Variants in TBC1D24 observed in about 807,000 individuals in gnomAD.
The protein encoded by TBC1D24 is Infantile myoclonic epilepsy.
In TBC1D24, 47 loss-of-function variants were observed where a neutral mutation model predicts 50.7. That is an observed-to-expected ratio of 0.93 (90% CI 0.73 to 1.18). The LOEUF (loss-of-function observed/expected upper bound fraction) is 1.18, where lower values mean the gene tolerates loss of function less well. Ranked by LOEUF, TBC1D24 falls within the 50% of genes most tolerant of loss-of-function variation. TBC1D24 has a pLI of 0.00. For missense variants in TBC1D24, 688 were observed against 766.5 expected, an observed-to-expected ratio of 0.90 and a Z score of 1.21; for synonymous variants, 324 against 335.2, an observed-to-expected ratio of 0.97 and a Z score of 0.36.
chr16:2,488,732 T>C (rs888329395), intron 1 of TBC1D24, among the ~76,000 whole-genome samples: 1 of 148,914 alleles, frequency 6.7e-6, no homozygotes, highest in African/African-American at 2.5e-5. Context: ...ATTACAGGTG[T>C]GAGCCACCGC....
chr16:2,500,117 T>A lies in TBC1D24; in HGVS notation c.1303-151T>A. 2 of 941,646 alleles carry A rather than the reference T, an allele frequency of 2.1e-6. No homozygotes were observed. Among genetic ancestry groups the A allele is most frequent in the East Asian group, 2.6e-5 (1 of 37,916 alleles). The allele number at this position is 941,646 out of a possible 1,614,324, so 58.3% of individuals were successfully genotyped here. A position where few individuals can be genotyped will look rare whatever the true frequency, so the allele number is the denominator to read the frequency against. On this transcript the variant is annotated intron_variant, in intron 6 of 7. Transcript: ENST00000646147. The surrounding 1 kb of genome is among the most constrained non-coding windows in gnomAD (Gnocchi z 8.0). Reference sequence around the variant, plus strand: ...CTGCTCCGGGGCAGGGGGCTTCATCTGCTCGAGCCACCAGCTCCCCAGCCC... The same window carrying A: ...CTGCTCCGGGGCAGGGGGCTTCATCAGCTCGAGCCACCAGCTCCCCAGCCC...
chr16:2,497,030 C>T lies in TBC1D24; in HGVS notation c.882C>T (p.Leu294=). Reference sequence around the variant, plus strand: ...TGGAGAAAGCGTTCGCCATCCGCCTCTTCTCCCGCAAGGAGATCCAGCTCC... The same window carrying T: ...TGGAGAAAGCGTTCGCCATCCGCCTTTTCTCCCGCAAGGAGATCCAGCTCC... ...KLLEKAFAIR[L]FSRKEIQLLQ... The change falls in exon 2 of 8, where the codon CTC becomes CTT. Residue 294 remains leucine (L), a synonymous_variant. Coordinates refer to ENST00000646147, the MANE Select transcript of TBC1D24 (RefSeq NM_001199107.2). 1.2e-6 allele frequency: 2 copies of T among 1,613,692 alleles called. No individual in the cohort carries two copies. The highest frequency in any genetic ancestry group is 1.1e-5 in the South Asian group (1 of 91,092).
At position 2,486,014 on chromosome 16, in the gene TBC1D24, G is replaced by C. The variant is rs1851389497; in HGVS notation, c.-115-10020G>C. Among the ~76,000 whole-genome samples the C allele has an allele frequency of 1.3e-5, 2 of 152,196 alleles. No individual in the cohort carries two copies. Among genetic ancestry groups the C allele is most frequent in the African/African-American group, 4.8e-5 (2 of 41,448 alleles). ...TGGATCTTGCGGATCTCGCGCCCGG[G>C]CTGGAATGCCTGTGCTGCCCTCCCC... On this transcript the variant is annotated intron_variant, in intron 1 of 7. Coordinates refer to ENST00000646147, the MANE Select transcript of TBC1D24 (RefSeq NM_001199107.2). This position sits in a 1 kb window ranked among gnomAD's most constrained non-coding sequence, Gnocchi z 5.8.
At chr16:2,497,485 C>T (rs374726446) in intron 2 of TBC1D24, among the ~76,000 whole-genome samples, 3 of 152,182 alleles carry the variant, frequency 2.0e-5, no homozygotes, top group Admixed American at 6.5e-5. Context: ...GTGGCCTCCC[C>T]GCCTGGAGCA....
chr16:2,495,002 TCACA>T (rs527454795), intron 1 of TBC1D24, among the ~76,000 whole-genome samples: 236 of 138,016 alleles, frequency 1.7e-3, no homozygotes, highest in Non-Finnish European at 2.9e-3. Flanking sequence ...CAAGACCCCA[TCACA>T]CACACACACA....
chr16:2,481,596 G>A (rs2065610894), intron 1 of TBC1D24: 1 of 152,232 alleles, frequency 6.6e-6, no homozygotes, highest in Admixed American at 6.5e-5. Flanking sequence ...TGTGTCCTGG[G>A]GGTGTTTTTC....
chr16:2,495,313 A>G (rs561308757), intron 1 of TBC1D24, among the ~76,000 whole-genome samples: 1 of 152,054 alleles, frequency 6.6e-6, no homozygotes, highest in Non-Finnish European at 1.5e-5. Flanking sequence ...GTGCCATTGC[A>G]CTCTAGCCTG....
At position 2,499,621 on chromosome 16, in the gene TBC1D24, C is replaced by T. The variant is rs1468691600; in HGVS notation, c.1206+201C>T. Among the ~76,000 whole-genome samples, 1 of 152,146 alleles carries T rather than the reference C, an allele frequency of 6.6e-6. No homozygotes were observed. Among genetic ancestry groups the T allele is most frequent in the East Asian group, 1.9e-4 (1 of 5,184 alleles). ...GAAATGAGACTATCCCCAACACAGCCCCCGCCCACCCTCATTGCCAGCCCC... is the reference window on the plus strand; with the variant it reads ...GAAATGAGACTATCCCCAACACAGCTCCCGCCCACCCTCATTGCCAGCCCC... On this transcript the variant is annotated intron_variant, in intron 5 of 7. Coordinates refer to ENST00000646147, the MANE Select transcript of TBC1D24 (RefSeq NM_001199107.2). This position sits in a 1 kb window ranked among gnomAD's most constrained non-coding sequence, Gnocchi z 4.0.
intron 1 of TBC1D24, among the ~76,000 whole-genome samples, chr16:2,489,953 C>T (rs1039100776): frequency 1.7e-4 from 26 of 152,220 alleles, no homozygotes; most frequent in African/African-American, 6.0e-4. Context: ...TGGGTGTGTC[C>T]GTGCTGCCCT....
In TBC1D24 at chr16:2,487,492, A is replaced by C. The variant is rs1050734190; in HGVS notation, c.-115-8542A>C. On this transcript the variant is annotated intron_variant, in intron 1 of 7. Coordinates refer to ENST00000646147, the MANE Select transcript of TBC1D24 (RefSeq NM_001199107.2). The surrounding 1 kb of genome is among the most constrained non-coding windows in gnomAD (Gnocchi z 4.1). ...CTAAATGTGTGTTCTGTCTTTGTAC[A>C]TGAAAGAGAGTTTGTTTTCAAATCC... Among the ~76,000 whole-genome samples the C allele has an allele frequency of 6.6e-6, 1 of 152,258 alleles. No homozygotes were observed. The highest frequency in any genetic ancestry group is 6.5e-5 in the Admixed American group (1 of 15,292).
intron 1 of TBC1D24, among the ~76,000 whole-genome samples, chr16:2,492,206 G>C (rs1262632791): frequency 6.6e-6 from 1 of 152,036 alleles, no homozygotes; most frequent in Admixed American, 6.6e-5. Context: ...GAAATGTCGT[G>C]CGCTCTTTTT....
In TBC1D24 at chr16:2,496,757, G is replaced by A. The variant is rs1295153683; in HGVS notation, c.609G>A (p.Glu203=). Reference sequence around the variant, plus strand: ...ACAAGCTGATGGTGGCCGTGTCGGAGGATGTCCTGCAGGTCTATGCGGACT... The same window carrying A: ...ACAAGCTGATGGTGGCCGTGTCGGAAGATGTCCTGCAGGTCTATGCGGACT... ...AAHKLMVAVS[E]DVLQVYADWQ... is the part of the protein sequence containing the mutation. Residue 203 remains glutamate, a synonymous_variant, in exon 2 of 8, where the codon GAG becomes GAA. Coordinates refer to ENST00000646147, the MANE Select transcript of TBC1D24 (RefSeq NM_001199107.2). 6.2e-7 allele frequency: 1 copy of A among 1,613,994 alleles called. No individual in the cohort carries two copies. Among genetic ancestry groups the A allele is most frequent in the Non-Finnish European group, 8.5e-7 (1 of 1,180,050 alleles).
At chr16:2,488,628 T>C (rs1181573409) in intron 1 of TBC1D24, among the ~76,000 whole-genome samples, 2 of 150,380 alleles carry the variant, frequency 1.3e-5, no homozygotes, top group African/African-American at 4.9e-5. Flanking sequence ...TCTCCTGCCT[T>C]AGCCTCCTGA....
intron 1 of TBC1D24, among the ~76,000 whole-genome samples, chr16:2,492,105 G>A (rs987131661): frequency 6.6e-6 from 1 of 152,150 alleles, no homozygotes; most frequent in Admixed American, 6.6e-5. Context: ...CTCCCAAAGT[G>A]CTGGGATTAC....
chr16:2,482,616 G>A lies in TBC1D24; in HGVS notation c.-116+7446G>A, dbSNP rs564933691. ...CAGGAGAGGGTTTCGGGTGGAGAAC[G>A]GTGACCGGGTGAAGCCCTGAGTGGG... On this transcript the variant is annotated intron_variant, in intron 1 of 7. Coordinates refer to ENST00000646147, the MANE Select transcript of TBC1D24 (RefSeq NM_001199107.2). This position sits in a 1 kb window ranked among gnomAD's most constrained non-coding sequence, Gnocchi z 5.2. 8.5e-5 allele frequency among the ~76,000 whole-genome samples: 13 copies of A among 152,278 alleles called. No individual in the cohort carries two copies. In the South Asian group the frequency reaches 1.0e-3, roughly 12 times the overall value.
Position 2,501,276 on chromosome 16 carries a change from T to C in TBC1D24, c.*318T>C. On this transcript the variant is annotated 3_prime_UTR_variant, in exon 8 of 8. Coordinates refer to ENST00000646147, the MANE Select transcript of TBC1D24 (RefSeq NM_001199107.2). ...GCCCAAGGCCTTGGGAGTGTCTGGG[T>C]CTTGCTGCCCCTGAGCCTCTCTAGG... The C allele has an allele frequency of 7.0e-6, 3 of 426,590 alleles. No individual in the cohort carries two copies. The South Asian group carries it at 7.7e-5, about 11-fold the overall frequency. The allele number at this position is 426,590 out of a possible 1,614,324, so 26.4% of individuals were successfully genotyped here. A position where few individuals can be genotyped will look rare whatever the true frequency, so the allele number is the denominator to read the frequency against.
intron 1 of TBC1D24, chr16:2,479,994 A>T (rs564951587): frequency 1.3e-5 from 2 of 151,842 alleles, no homozygotes; most frequent in Non-Finnish European, 1.5e-5. Context: ...CACCATGCCC[A>T]GTTAATTTTG....
rs2065790488 is a variant in TBC1D24 at position 2,501,083 on chromosome 16, A to G, written c.*125A>G. ...CAGGGTTGGGGGACGGCAGGACCCCATGGCCAAGCCTGGCGTTGCCTGGAC... is the reference window on the plus strand; with the variant it reads ...CAGGGTTGGGGGACGGCAGGACCCCGTGGCCAAGCCTGGCGTTGCCTGGAC... On this transcript the variant is annotated 3_prime_UTR_variant, in exon 8 of 8. Coordinates refer to ENST00000646147, the MANE Select transcript of TBC1D24 (RefSeq NM_001199107.2). 1.5e-6 allele frequency: 2 copies of G among 1,322,224 alleles called. No individual in the cohort carries two copies. Among genetic ancestry groups the G allele is most frequent in the Middle Eastern group, 2.0e-4 (1 of 4,954 alleles). The allele number at this position is 1,322,224 out of a possible 1,614,324, so 81.9% of individuals were successfully genotyped here. A position where few individuals can be genotyped will look rare whatever the true frequency, so the allele number is the denominator to read the frequency against.
At position 2,499,090 on chromosome 16, in the gene TBC1D24, G is replaced by C. The variant is rs1469145291; in HGVS notation, c.1143-267G>C. Among the ~76,000 whole-genome samples the C allele has an allele frequency of 6.6e-6, 1 of 152,206 alleles. No homozygotes were observed. Among genetic ancestry groups the C allele is most frequent in the Non-Finnish European group, 1.5e-5 (1 of 68,030 alleles). On this transcript the variant is annotated intron_variant, in intron 4 of 7. Coordinates refer to ENST00000646147, the MANE Select transcript of TBC1D24 (RefSeq NM_001199107.2). This position sits in a 1 kb window ranked among gnomAD's most constrained non-coding sequence, Gnocchi z 4.0. ...GCAGGGACCTGTTCCTCTGGTTCCT[G>C]CTTCCCCAGCCCCTGGCGCTTGGCT...
Sources: gnomAD v4.1 joint callset for allele counts (sites outside exome capture counted in the v4.1 genomes callset) on GRCh38, gnomAD v4.1.1 for gene constraint, Gnocchi (gnomAD v3.1) non-coding constraint, MANE v1.5 for transcripts, NCBI Gene and HGNC (gene_info 2026-07-23, HGNC 2026-07-21) for gene names.